The following CYB5RL variants were observed in gnomAD, a reference collection of about 807,000 sequenced individuals.
CYB5RL encodes cytochrome b5 reductase like.
In CYB5RL, 38 loss-of-function variants were observed where a neutral mutation model predicts 37.5. The observed-to-expected ratio is 1.01, with a 90% CI of 0.78 to 1.33. CYB5RL has a LOEUF of 1.33. Among genes scored for constraint, CYB5RL ranks in the 40% most tolerant of loss-of-function variants. The pLI, the probability that CYB5RL is intolerant of heterozygous loss-of-function variation, is 0.00. For synonymous variants in CYB5RL, 141 were observed against 151.9 expected (o/e 0.93, Z 0.53); for missense variants, 388 against 394.4 (o/e 0.98, Z 0.14).
chr1:54,172,214 T>G lies in CYB5RL; in HGVS notation c.*2405A>C, dbSNP rs1355165446. On this transcript the variant is annotated 3_prime_UTR_variant, in exon 8 of 8. Coordinates refer to ENST00000534324, the MANE Select transcript of CYB5RL (RefSeq NM_001031672.4). ...CAGGGTCTTGCTCTGTCACACAGAT[T>G]GGAGTGCAGTGGCTCAATCACAGCT... The G allele has an allele frequency of 6.6e-6, 1 of 152,172 alleles. No individual in the cohort carries two copies. Among genetic ancestry groups the G allele is most frequent in the Non-Finnish European group, 1.5e-5 (1 of 68,066 alleles). The allele number at this position is 152,172 out of a possible 1,614,324, so 9.4% of individuals were successfully genotyped here.
intron 1 of CYB5RL, among the ~76,000 whole-genome samples, chr1:54,199,709 G>C (rs536470957): frequency 6.6e-6 from 1 of 152,346 alleles, no homozygotes; most frequent in South Asian, 2.1e-4. Context: ...CGCTGGGGAA[G>C]AGGTGTACAG....
chr1:54,184,175 A>G lies in CYB5RL; in HGVS notation c.526T>C (p.Tyr176His). 1 of 1,613,454 alleles carries G rather than the reference A, an allele frequency of 6.2e-7. No homozygotes were observed. The highest frequency in any genetic ancestry group is 1.1e-5 in the South Asian group (1 of 90,864). Residue 176 changes from tyrosine to histidine, a missense_variant, in exon 6 of 8, where the codon TAT becomes CAT. By Grantham distance (83) the Tyr-to-His change is moderately conservative. Transcript: ENST00000534324. Reference sequence around the variant, plus strand: ...CTGGCACTGACCTGGTTTGGTTTATAGAAGAAATCTCCGAAAGGTCCTCGC... The same window carrying G: ...CTGGCACTGACCTGGTTTGGTTTATGGAAGAAATCTCCGAAAGGTCCTCGC... Reference protein sequence around the residue: ...FWRGPFGDFFYKPNQYGELLL... With the variant: ...FWRGPFGDFFHKPNQYGELLL...
chr1:54,175,888 G>A (rs1660009113), intron 7 of CYB5RL, among the ~76,000 whole-genome samples: 1 of 152,110 alleles, frequency 6.6e-6, no homozygotes, highest in Admixed American at 6.6e-5. Context: ...TATCTGCAGG[G>A]GGTCCTGGAG....
Position 54,174,386 on chromosome 1 carries a change from A to G in CYB5RL, c.*233T>C, listed in dbSNP as rs1388914793. 6 of 543,610 alleles carry G rather than the reference A, an allele frequency of 1.1e-5. No homozygotes were observed. Among genetic ancestry groups the G allele is most frequent in the Non-Finnish European group, 2.0e-5 (6 of 303,934 alleles). 33.7% of individuals were successfully genotyped at this position (543,610 alleles called of 1,614,324 possible). On this transcript the variant is annotated 3_prime_UTR_variant, in exon 8 of 8. Transcript: ENST00000534324. The stretch of plus-strand genomic sequence containing the variant: ...TCCCAGGCTGGTTGCTCACCTCCTC[A>G]GGGCCCCTACAGCCCATCCTCCTTC...
In CYB5RL at chr1:54,171,674, C is replaced by G. The variant is rs1659895807; in HGVS notation, c.*2945G>C. On this transcript the variant is annotated 3_prime_UTR_variant, in exon 8 of 8. Transcript: ENST00000534324. ...ACCTCTTGATGCCTGCGTATCATGT[C>G]TAGCTCCTAAGTCTCCCTTCTCCTA... 5.8e-6 allele frequency: 2 copies of G among 347,166 alleles called. No individual in the cohort carries two copies. Among genetic ancestry groups the G allele is most frequent in the Non-Finnish European group, 1.1e-5 (2 of 175,404 alleles). 21.5% of individuals were successfully genotyped at this position (347,166 alleles called of 1,614,324 possible).
intron 6 of CYB5RL, chr1:54,183,898 C>CT: frequency 5.2e-6 from 1 of 193,326 alleles, no homozygotes; most frequent in Non-Finnish European, 1.0e-5. Context: ...TCGCTTGAAC[C>CT]TGGGAGGTGG....
intron 1 of CYB5RL, among the ~76,000 whole-genome samples, chr1:54,198,940 C>G (rs992924779): frequency 3.9e-5 from 6 of 152,094 alleles, no homozygotes; most frequent in African/African-American, 1.4e-4. Context: ...TAGGACTTCT[C>G]CACGTTTTAA....
At chr1:54,183,846 A>C (rs1441869436) in intron 6 of CYB5RL, among the ~76,000 whole-genome samples, 1 of 152,096 alleles carries the variant, frequency 6.6e-6, no homozygotes, top group Non-Finnish European at 1.5e-5. Flanking sequence ...GTGGTGGCAC[A>C]TGCCTGTAAT....
intron 7 of CYB5RL, among the ~76,000 whole-genome samples, chr1:54,176,699 C>T (rs890909892): frequency 6.6e-6 from 1 of 152,210 alleles, no homozygotes; most frequent in African/African-American, 2.4e-5. Flanking sequence ...CTGCTCATTT[C>T]CCTCAGACCA....
intron 3 of CYB5RL, among the ~76,000 whole-genome samples, chr1:54,191,707 A>G (rs1006514353): frequency 2.6e-5 from 4 of 152,238 alleles, no homozygotes; most frequent in Non-Finnish European, 5.9e-5. Context: ...TAGTGCTGAC[A>G]GTATCACTGA....
chr1:54,173,566 C>T lies in CYB5RL; in HGVS notation c.*1053G>A, dbSNP rs997253686. The T allele has an allele frequency of 1.3e-5, 2 of 152,218 alleles. No individual in the cohort carries two copies. Among genetic ancestry groups the T allele is most frequent in the Non-Finnish European group, 2.9e-5 (2 of 68,032 alleles). The allele number at this position is 152,218 out of a possible 1,614,324, so 9.4% of individuals were successfully genotyped here. A position where few individuals can be genotyped will look rare whatever the true frequency, so the allele number is the denominator to read the frequency against. On this transcript the variant is annotated 3_prime_UTR_variant, in exon 8 of 8. Transcript: ENST00000534324. ...GTCACACTGTATGTTTCTTAGAGTCCTGAACTTTCAGCTTTGATATGGTGA... is the reference window on the plus strand; with the variant it reads ...GTCACACTGTATGTTTCTTAGAGTCTTGAACTTTCAGCTTTGATATGGTGA...
intron 7 of CYB5RL, among the ~76,000 whole-genome samples, chr1:54,176,838 G>T (rs1330615422): frequency 6.6e-6 from 1 of 152,198 alleles, no homozygotes; most frequent in African/African-American, 2.4e-5. Flanking sequence ...GAGAGCCAGG[G>T]TGGTGGCAGC....
intron 3 of CYB5RL, among the ~76,000 whole-genome samples, 183 bp downstream of exon 3, chr1:54,195,236 T>C (rs1643995594): frequency 6.6e-6 from 1 of 152,216 alleles, no homozygotes; most frequent in Admixed American, 6.5e-5. Context: ...CTGCCTCAAA[T>C]CACACAGCTG....
chr1:54,177,016 G>A (rs1251674513), intron 7 of CYB5RL, among the ~76,000 whole-genome samples: 1 of 152,188 alleles, frequency 6.6e-6, no homozygotes, highest in East Asian at 1.9e-4. Context: ...CAGCACACTT[G>A]CAACCATAGG....
At chr1:54,198,873 G>GA (rs1428289232) in intron 1 of CYB5RL, among the ~76,000 whole-genome samples, 3 of 151,986 alleles carry the variant, frequency 2.0e-5, no homozygotes, top group Non-Finnish European at 4.4e-5. Flanking sequence ...GGCCTCAAGT[G>GA]GCCCCTCCCA....
Position 54,171,986 on chromosome 1 carries a change from G to C in CYB5RL, c.*2633C>G, listed in dbSNP as rs1386445196. ...AAGAGATGCCACCAGCAGCCAGGCT[G>C]CACAGAACCTACACGGAGTGAGGGG... On this transcript the variant is annotated 3_prime_UTR_variant, in exon 8 of 8. Coordinates refer to ENST00000534324, the MANE Select transcript of CYB5RL (RefSeq NM_001031672.4). The C allele has an allele frequency of 6.1e-6, 1 of 163,784 alleles. No homozygotes were observed. Among genetic ancestry groups the C allele is most frequent in the Non-Finnish European group, 1.4e-5 (1 of 73,550 alleles). The allele number at this position is 163,784 out of a possible 1,614,324, so 10.1% of individuals were successfully genotyped here.
At chr1:54,191,754 T>C (rs1416666990) in intron 3 of CYB5RL, among the ~76,000 whole-genome samples, 1 of 152,232 alleles carries the variant, frequency 6.6e-6, no homozygotes, top group Non-Finnish European at 1.5e-5. Context: ...TTCAAGGCCT[T>C]GTCTCCACTG....
chr1:54,197,318 T>C (rs1457399723), intron 1 of CYB5RL, among the ~76,000 whole-genome samples: 2 of 81,864 alleles, frequency 2.4e-5, no homozygotes, highest in African/African-American at 8.5e-5. Flanking sequence ...TTTTCTTTTC[T>C]TTTTTTTTTT....
In CYB5RL at chr1:54,187,833, T is replaced by C. The variant is rs544458266; in HGVS notation, c.348-94A>G. 280 of 1,098,878 alleles carry C rather than the reference T, an allele frequency of 2.5e-4. 2 individuals are homozygous for C. The South Asian group carries it at 3.5e-3, about 14-fold the overall frequency. The allele number at this position is 1,098,878 out of a possible 1,614,324, so 68.1% of individuals were successfully genotyped here. On this transcript the variant is annotated intron_variant, in intron 4 of 7. Transcript: ENST00000534324. ...GCTCATGTCTGTAATCCCCACACTT[T>C]GGGAGGCCGAGGTGGGCTGATCACT... is the stretch of plus-strand genomic sequence containing the variant.
Sources: allele counts gnomAD v4.1 joint callset (sites outside exome capture counted in the v4.1 genomes callset), GRCh38; gene constraint gnomAD v4.1.1; transcripts MANE v1.5; gene names NCBI Gene and HGNC (gene_info 2026-07-23, HGNC 2026-07-21).